Variants in MRPL49 observed in about 807,000 individuals in gnomAD.
MRPL49 encodes large ribosomal subunit protein mL49.
Under a neutral mutation model 18.4 loss-of-function variants are expected in MRPL49, and 14 were observed. The observed-to-expected ratio is 0.76, with a 90% CI of 0.50 to 1.19. The LOEUF (loss-of-function observed/expected upper bound fraction) is 1.19, where lower values mean the gene tolerates loss of function less well. MRPL49 is among the 50% of genes most tolerant of loss of function. The pLI, the probability that MRPL49 is intolerant of heterozygous loss-of-function variation, is 0.00. For missense variants in MRPL49, 190 were observed against 217.8 expected (o/e 0.87, Z 0.80); for synonymous variants, 104 against 86.2 (o/e 1.21, Z -1.14).
intron 2 of MRPL49, 24 bp from the exon 3 acceptor site, chr11:65,125,464 T>G (rs1322539879): frequency 6.2e-7 from 1 of 1,612,592 alleles, no homozygotes; most frequent in South Asian, 1.1e-5. Context: ...AGAGTTGATT[T>G]AACAGTGTCT....
intron 1 of MRPL49, among the ~76,000 whole-genome samples, chr11:65,123,068 C>A (rs1423346323): frequency 1.3e-5 from 2 of 152,120 alleles, no homozygotes; most frequent in African/African-American, 4.8e-5. Flanking sequence ...CACTATATCC[C>A]GTCACAGATG....
intron 2 of MRPL49, chr11:65,125,264 C>A: frequency 1.9e-6 from 1 of 528,712 alleles, no homozygotes; most frequent in Non-Finnish European, 3.3e-6. Flanking sequence ...TTTTCTTGAG[C>A]ACCTACTTAG....
intron 2 of MRPL49, chr11:65,125,107 C>T: frequency 3.1e-6 from 1 of 319,468 alleles, no homozygotes; most frequent in Non-Finnish European, 5.8e-6. Context: ...AGTGCAGAGC[C>T]CAGCATATGG....
rs886913685 is a variant in MRPL49 at position 65,126,867 on chromosome 11, A to C, written c.*995A>C. ...AGGGACATCCCCCTGCAGCCTTCTG[A>C]CCTGCAATCAAGGCTGGGGAGGGGT... On this transcript the variant is annotated 3_prime_UTR_variant, in exon 4 of 4. Transcript: ENST00000279242. 33 of 590,854 alleles carry C rather than the reference A, an allele frequency of 5.6e-5. No homozygotes were observed. The highest frequency in any genetic ancestry group is 4.7e-4 in the African/African-American group (25 of 53,682). The allele number at this position is 590,854 out of a possible 1,614,324, so 36.6% of individuals were successfully genotyped here.
At chr11:65,122,211 T>C, upstream of MRPL49, 4 of 904,646 alleles carry the variant, frequency 4.4e-6, no homozygotes, top group Non-Finnish European at 6.7e-6. Context: ...GGTTCCCTGC[T>C]ATTTGTACCG....
intron 2 of MRPL49, 28 bp from the exon 3 acceptor site, chr11:65,125,460 G>A: frequency 6.2e-7 from 1 of 1,612,448 alleles, no homozygotes; most frequent in Non-Finnish European, 8.5e-7. Context: ...AGGAAGAGTT[G>A]ATTTAACAGT....
chr11:65,123,974 A>G (rs1346844672), intron 1 of MRPL49, among the ~76,000 whole-genome samples: 1 of 151,710 alleles, frequency 6.6e-6, no homozygotes, highest in Non-Finnish European at 1.5e-5. Context: ...TGCAACCTCC[A>G]CCTCCTGGGT....
rs1392753206 is a variant in MRPL49, at chr11:65,125,797, G to C, written c.426G>C (p.Glu142Asp). Reference protein sequence around the residue: ...LGKTPVTQVNEVTGTLRIKGY... With the variant: ...LGKTPVTQVNDVTGTLRIKGY... Reference sequence around the variant, plus strand: ...AGACACCTGTCACCCAGGTCAATGAGGTGACAGGTACCCTACGGATCAAGG... The same window carrying C: ...AGACACCTGTCACCCAGGTCAATGACGTGACAGGTACCCTACGGATCAAGG... The change falls in exon 4 of 4, where the codon GAG becomes GAC. Residue 142 changes from glutamate (E) to aspartate (D), a missense_variant. Coordinates refer to ENST00000279242, the MANE Select transcript of MRPL49 (RefSeq NM_004927.4). 1 of 1,613,268 alleles carries C rather than the reference G, an allele frequency of 6.2e-7. No individual in the cohort carries two copies.
rs1465132166 is a variant in MRPL49 at position 65,126,028 on chromosome 11, A to G, written c.*156A>G. On this transcript the variant is annotated 3_prime_UTR_variant, in exon 4 of 4. Coordinates refer to ENST00000279242, the MANE Select transcript of MRPL49 (RefSeq NM_004927.4). The stretch of plus-strand genomic sequence containing the variant: ...CAGGCCTTGCTTGCATAAAGGAGAA[A>G]ACAACTCTATGTACATGCTGGGGGA... 44 of 763,476 alleles carry G rather than the reference A, an allele frequency of 5.8e-5. 1 individual carries two copies. The South Asian group carries it at 8.7e-4, about 15-fold the overall frequency. 47.3% of individuals were successfully genotyped at this position (763,476 alleles called of 1,614,324 possible).
Position 65,125,864 on chromosome 11 carries a change from G to A in MRPL49, c.493G>A (p.Gly165Ser). The change falls in exon 4 of 4, where the codon GGC becomes AGC. Residue 165 changes from glycine to serine, a missense_variant. Coordinates refer to ENST00000279242, the MANE Select transcript of MRPL49 (RefSeq NM_004927.4). The part of the protein sequence containing the change: ...QELKAWLLEK[G>S]F Reference sequence around the variant, plus strand: ...GCTTAAAGCCTGGCTCTTGGAGAAAGGCTTCTGAGGCCCAGCCGAGCAGCC... The same window carrying A: ...GCTTAAAGCCTGGCTCTTGGAGAAAAGCTTCTGAGGCCCAGCCGAGCAGCC... 6.2e-7 allele frequency: 1 copy of A among 1,605,264 alleles called. No homozygotes were observed. The highest frequency in any genetic ancestry group is 1.1e-5 in the South Asian group (1 of 90,746).
intron 1 of MRPL49, 36 bp downstream of exon 1, chr11:65,122,460 T>C: frequency 1.3e-6 from 2 of 1,587,802 alleles, no homozygotes; most frequent in Non-Finnish European, 1.7e-6. Flanking sequence ...GGGCATCGCG[T>C]GGGTGTGAGG....
At chr11:65,122,694 C>G (rs1413843336) in intron 1 of MRPL49, among the ~76,000 whole-genome samples, 2 of 149,102 alleles carry the variant, frequency 1.3e-5, no homozygotes, top group Non-Finnish European at 3.0e-5. Context: ...TATGAGTGTG[C>G]GTGGGGAATT....
rs142872502 is a variant in MRPL49, at chr11:65,125,857, G to A, written c.486G>A (p.Leu162=). The part of the protein sequence containing the change: ...YFDQELKAWL[L]EKGF ...ACCAGGAGCTTAAAGCCTGGCTCTT[G>A]GAGAAAGGCTTCTGAGGCCCAGCCG... The change falls in exon 4 of 4, where the codon TTG becomes TTA. Residue 162 remains leucine (L), a synonymous_variant. Coordinates refer to ENST00000279242, the MANE Select transcript of MRPL49 (RefSeq NM_004927.4). The A allele has an allele frequency of 2.7e-5, 43 of 1,607,076 alleles. No individual in the cohort carries two copies. The highest frequency in any genetic ancestry group is 4.4e-4 in the Middle Eastern group (2 of 4,522).
At chr11:65,125,461 ATT>A in intron 2 of MRPL49, 25 bp from the exon 3 acceptor site, 3 of 1,612,338 alleles carry the variant, frequency 1.9e-6, no homozygotes, top group Non-Finnish European at 2.5e-6. Context: ...GGAAGAGTTG[ATT>A]TAACAGTGTC....
At position 65,125,911 on chromosome 11, in the gene MRPL49, G is replaced by A; in HGVS notation, c.*39G>A. On this transcript the variant is annotated 3_prime_UTR_variant, in exon 4 of 4. Coordinates refer to ENST00000279242, the MANE Select transcript of MRPL49 (RefSeq NM_004927.4). ...AGCCTGCTTGTCAGCATGCCCTGTG[G>A]ATCAAGTCTAGGGGGCCTCAGGAGG... is the stretch of plus-strand genomic sequence containing the variant. 2 of 1,581,552 alleles carry A rather than the reference G, an allele frequency of 1.3e-6. No individual in the cohort carries two copies. The highest frequency in any genetic ancestry group is 8.6e-7 in the Non-Finnish European group (1 of 1,160,956).
Position 65,125,715 on chromosome 11 carries a change from T to C in MRPL49, c.355-11T>C. 9.3e-6 allele frequency: 15 copies of C among 1,613,564 alleles called. No homozygotes were observed. The highest frequency in any genetic ancestry group is 1.3e-5 in the Non-Finnish European group (15 of 1,179,702). ...ACTCTTGGCCTGACCTGATTTGTCA[T>C]CTTTCCCCAGGCCCTGCAGAAAGAC... On this transcript the variant is annotated splice_polypyrimidine_tract_variant and intron_variant, in intron 3 of 3. Coordinates refer to ENST00000279242, the MANE Select transcript of MRPL49 (RefSeq NM_004927.4).
rs756802636 is a variant in MRPL49 at position 65,124,637 on chromosome 11, TG to T, written c.216del (p.Trp72CysfsTer36). ...TGAACATTATCCTACCCCTAGTGGC[TG>T]GCAGCCTCCCAGAGGTGAGCTGGGT... ...KHEHYPTPSG[W>X]QPPRDPPPNL... On this transcript the variant is annotated frameshift_variant, in exon 2 of 4. Transcript: ENST00000279242. LOFTEE classifies it high-confidence loss of function. 2 of 1,613,988 alleles carry T rather than the reference TG, an allele frequency of 1.2e-6. No individual in the cohort carries two copies. The highest frequency in any genetic ancestry group is 2.7e-5 in the African/African-American group (2 of 74,928).
At chr11:65,125,373 G>A in intron 2 of MRPL49, 115 bp from the exon 3 acceptor site, 2 of 1,377,400 alleles carry the variant, frequency 1.5e-6, no homozygotes, top group Non-Finnish European at 2.0e-6. Flanking sequence ...AAAGTCTGGA[G>A]GTGGCTTGGT....
At position 65,125,471 on chromosome 11, in the gene MRPL49, G is replaced by C; in HGVS notation, c.230-17G>C. 1 of 1,613,270 alleles carries C rather than the reference G, an allele frequency of 6.2e-7. No homozygotes were observed. Among genetic ancestry groups the C allele is most frequent in the East Asian group, 2.2e-5 (1 of 44,866 alleles). On this transcript the variant is annotated splice_polypyrimidine_tract_variant and intron_variant, in intron 2 of 3. Transcript: ENST00000279242. The stretch of plus-strand genomic sequence containing the variant: ...ACGTAGGAAGAGTTGATTTAACAGT[G>C]TCTTTCCCTGTTGCAGACCCCCCAC...
Sources: gnomAD v4.1 joint callset for allele counts (sites outside exome capture counted in the v4.1 genomes callset) on GRCh38, gnomAD v4.1.1 for gene constraint, MANE v1.5 for transcripts, NCBI Gene and HGNC (gene_info 2026-07-23, HGNC 2026-07-21) for gene names.